The following CDK8 variants were observed in gnomAD, a reference collection of about 807,000 sequenced individuals.
The protein encoded by CDK8 is cyclin-dependent kinase 8.
In CDK8, 29 loss-of-function variants were observed where a neutral mutation model predicts 71.5. That is an observed-to-expected ratio of 0.41 (90% CI 0.30 to 0.55). CDK8 has a LOEUF of 0.55. CDK8 is among the 20% of genes least tolerant of loss of function. The pLI is 0.37. For synonymous variants in CDK8, 161 were observed against 192.1 expected (o/e 0.84, Z 1.34); for missense variants, 288 against 572.6 (o/e 0.50, Z 5.07).
chr13:26,273,246 C>G (rs1195589581), intron 1 of CDK8, among the ~76,000 whole-genome samples: 1 of 152,148 alleles, frequency 6.6e-6, no homozygotes, highest in African/African-American at 2.4e-5. Context: ...CTCAATATGT[C>G]TGTCCTTAAG....
intron 4 of CDK8, among the ~76,000 whole-genome samples, chr13:26,359,911 T>C (rs1002469192): frequency 6.6e-6 from 1 of 152,078 alleles, no homozygotes; most frequent in African/African-American, 2.4e-5. Context: ...AGACAGAGTT[T>C]TGCCATGTTG....
At chr13:26,295,956 GACAGTGGCTGT>G (rs1203243030) in intron 1 of CDK8, among the ~76,000 whole-genome samples, 1 of 152,040 alleles carries the variant, frequency 6.6e-6, no homozygotes, top group African/African-American at 2.4e-5. Flanking sequence ...CATTTGACTG[GACAGTGGCTGT>G]ACAGCAGCAT....
intron 12 of CDK8, among the ~76,000 whole-genome samples, chr13:26,402,085 T>A (rs1447073130): frequency 6.6e-6 from 1 of 152,234 alleles, no homozygotes; most frequent in Non-Finnish European, 1.5e-5. Flanking sequence ...CTTGAGTAAG[T>A]GATTCAGATG....
In CDK8 at chr13:26,385,401, T is replaced by A; in HGVS notation, c.646+59T>A. 2.2e-6 allele frequency: 3 copies of A among 1,353,034 alleles called. No homozygotes were observed. In the Admixed American group the frequency reaches 6.7e-5, roughly 30 times the overall value. The allele number at this position is 1,353,034 out of a possible 1,614,324, so 83.8% of individuals were successfully genotyped here. On this transcript the variant is annotated intron_variant, in intron 6 of 12. Coordinates refer to ENST00000381527, the MANE Select transcript of CDK8 (RefSeq NM_001260.3). The stretch of plus-strand genomic sequence containing the variant: ...TAAAAGTTTCTTTAAAAGACACACA[T>A]TCCTATATATTTTTAAATTAAGTAG...
intron 6 of CDK8, among the ~76,000 whole-genome samples, chr13:26,387,746 T>C (rs1331970696): frequency 6.6e-6 from 1 of 152,182 alleles, no homozygotes; most frequent in East Asian, 1.9e-4. Flanking sequence ...ATCTTCTAGG[T>C]CTCCACATGG....
Position 26,388,015 on chromosome 13 carries a change from T to C in CDK8, c.646+2673T>C, listed in dbSNP as rs113822323. Among the ~76,000 whole-genome samples, 519 of 152,294 alleles carry C rather than the reference T, an allele frequency of 3.4e-3. 2 individuals are homozygous for C. Among genetic ancestry groups the C allele is most frequent in the Non-Finnish European group, 5.6e-3 (382 of 68,022 alleles). On this transcript the variant is annotated intron_variant, in intron 6 of 12. Transcript: ENST00000381527. ...TTGTTGGATACTTGAATGAATCTTG[T>C]CTCTGACAGTCTCCTCCTGTTCTTG...
intron 1 of CDK8, among the ~76,000 whole-genome samples, chr13:26,272,992 A>G (rs1428809046): frequency 6.6e-6 from 1 of 152,070 alleles, no homozygotes; most frequent in Non-Finnish European, 1.5e-5. Context: ...CAGTGTATCT[A>G]TTTTTGCTTT....
At chr13:26,279,925 G>A (rs1872678097) in intron 1 of CDK8, among the ~76,000 whole-genome samples, 1 of 152,032 alleles carries the variant, frequency 6.6e-6, no homozygotes, top group Admixed American at 6.5e-5. Context: ...TCACCACATT[G>A]ATCGTATGCT....
chr13:26,277,872 G>A (rs557838165), intron 1 of CDK8, among the ~76,000 whole-genome samples: 7 of 152,182 alleles, frequency 4.6e-5, no homozygotes, highest in Non-Finnish European at 7.3e-5. Context: ...AATCAAGGGG[G>A]CAGCATAAGC....
At chr13:26,383,101 A>G (rs1012265235) in intron 5 of CDK8, among the ~76,000 whole-genome samples, 6 of 152,234 alleles carry the variant, frequency 3.9e-5, no homozygotes, top group Non-Finnish European at 5.9e-5. Context: ...CAAGTTTCCC[A>G]GAAACCTCTG....
chr13:26,321,272 T>C (rs1230403259), intron 1 of CDK8, among the ~76,000 whole-genome samples: 1 of 152,050 alleles, frequency 6.6e-6, no homozygotes, highest in East Asian at 1.9e-4. Context: ...TTAAGTGAAA[T>C]AAGCCAGTCA....
rs190444332 is a variant in CDK8, at chr13:26,294,983, C to T, written c.128+40214C>T. ...CAGGATGATCTCGATCCCTTGACCT[C>T]GTGATCTGCCCCTCGGCCTCCCAAA... On this transcript the variant is annotated intron_variant, in intron 1 of 12. Transcript: ENST00000381527. 1.5e-3 allele frequency among the ~76,000 whole-genome samples: 228 copies of T among 152,252 alleles called. 1 individual carries two copies. Among genetic ancestry groups the T allele is most frequent in the Middle Eastern group, 0.01 (3 of 294 alleles).
At position 26,353,436 on chromosome 13, in the gene CDK8, A is replaced by G. The variant is rs369569824; in HGVS notation, c.316-304A>G. Among the ~76,000 whole-genome samples, 157 of 151,876 alleles carry G rather than the reference A, an allele frequency of 1.0e-3. 3 individuals carry two copies. The highest frequency in any genetic ancestry group is 4.6e-3 in the South Asian group (22 of 4,814). On this transcript the variant is annotated intron_variant, in intron 3 of 12. Transcript: ENST00000381527. Reference sequence around the variant, plus strand: ...CATTTTATCTACCAGATAAACAGGAATCAAGTATACTCTGAAAGTAATTGA... The same window carrying G: ...CATTTTATCTACCAGATAAACAGGAGTCAAGTATACTCTGAAAGTAATTGA...
At chr13:26,366,459 A>T (rs1593291930) in intron 4 of CDK8, among the ~76,000 whole-genome samples, 1 of 152,174 alleles carries the variant, frequency 6.6e-6, no homozygotes, top group South Asian at 2.1e-4. Context: ...TGAATTAACT[A>T]TTGAAAGAAA....
At chr13:26,384,710 T>G (rs928822771) in intron 5 of CDK8, among the ~76,000 whole-genome samples, 3 of 152,218 alleles carry the variant, frequency 2.0e-5, no homozygotes, top group African/African-American at 7.2e-5. Flanking sequence ...AATACTGTGA[T>G]TCCTTAAAAT....
At chr13:26,378,575 C>T (rs531919834) in intron 4 of CDK8, among the ~76,000 whole-genome samples, 18 of 152,284 alleles carry the variant, frequency 1.2e-4, no homozygotes, top group Non-Finnish European at 2.2e-4. Flanking sequence ...CTGTGCATGG[C>T]TTTGCTATAC....
intron 1 of CDK8, among the ~76,000 whole-genome samples, chr13:26,286,799 A>T (rs1873044158): frequency 6.6e-6 from 1 of 152,230 alleles, no homozygotes; most frequent in Non-Finnish European, 1.5e-5. Context: ...AGGAACTCAA[A>T]TCAGCAAGAT....
intron 1 of CDK8, among the ~76,000 whole-genome samples, chr13:26,270,018 C>T (rs1566464946): frequency 6.6e-6 from 1 of 152,032 alleles, no homozygotes; most frequent in Non-Finnish European, 1.5e-5. Context: ...AAGTTATATA[C>T]ATTTGTGGTT....
chr13:26,386,960 G>A (rs1409783993), intron 6 of CDK8, among the ~76,000 whole-genome samples: 2 of 152,156 alleles, frequency 1.3e-5, no homozygotes, highest in Admixed American at 1.3e-4. Flanking sequence ...GTATCTGTGG[G>A]AAATTCTCTT....
Sources: allele counts gnomAD v4.1 joint callset (sites outside exome capture counted in the v4.1 genomes callset), GRCh38; gene constraint gnomAD v4.1.1; transcripts MANE v1.5; gene names NCBI Gene and HGNC (gene_info 2026-07-23, HGNC 2026-07-21).